WWC1: variants seen among roughly 807,000 people sequenced by gnomAD.
WWC1 encodes protein KIBRA.
In WWC1, 55 loss-of-function variants were observed where a neutral mutation model predicts 138.4. The ratio of observed to expected loss-of-function variants is 0.40; its 90% CI spans 0.32 to 0.50. The LOEUF is 0.50. Ranked by LOEUF, WWC1 falls within the 20% of genes least tolerant of loss-of-function variation. The pLI is 0.72. For synonymous variants in WWC1, 524 were observed against 564.9 expected (o/e 0.93, Z 1.03); for missense variants, 1,226 against 1,420.4 (o/e 0.86, Z 2.20).
intron 1 of WWC1, among the ~76,000 whole-genome samples, chr5:168,304,127 T>C (rs1273125040): frequency 6.6e-6 from 1 of 152,254 alleles, no homozygotes; most frequent in Non-Finnish European, 1.5e-5. Flanking sequence ...CAAGTTCCAC[T>C]GACCAGGCAG....
At chr5:168,380,981 C>T (rs924128388) in intron 2 of WWC1, among the ~76,000 whole-genome samples, 6 of 151,888 alleles carry the variant, frequency 4.0e-5, no homozygotes, top group South Asian at 2.1e-4. Flanking sequence ...TGCCTGGGAG[C>T]GTCCAGGGGA....
At chr5:168,371,103 C>T (rs1057215507) in intron 1 of WWC1, among the ~76,000 whole-genome samples, 2 of 152,192 alleles carry the variant, frequency 1.3e-5, no homozygotes, top group African/African-American at 4.8e-5. Context: ...GACCCTTTGC[C>T]TGCAAACCCT....
chr5:168,432,824 G>A (rs943155221), intron 15 of WWC1, among the ~76,000 whole-genome samples: 19 of 152,146 alleles, frequency 1.2e-4, no homozygotes, highest in Admixed American at 3.9e-4. Flanking sequence ...TGTGCAAAGG[G>A]GAAAAACAAG....
intron 15 of WWC1, among the ~76,000 whole-genome samples, chr5:168,432,662 T>C (rs896999158): frequency 2.6e-5 from 4 of 152,134 alleles, no homozygotes; most frequent in Non-Finnish European, 2.9e-5. Flanking sequence ...ACTGGGAGCT[T>C]GTTGTGTCCC....
At chr5:168,407,096 C>A (rs7735033) in intron 6 of WWC1, among the ~76,000 whole-genome samples, 19,498 of 152,064 alleles carry the variant, frequency 0.13, 1,330 homozygotes, top group African/African-American at 0.14. Flanking sequence ...CTGGCCCCTG[C>A]CTTATTTTTC....
chr5:168,326,883 A>G (rs1251003162), intron 1 of WWC1, among the ~76,000 whole-genome samples: 2 of 145,006 alleles, frequency 1.4e-5, no homozygotes, highest in Non-Finnish European at 3.1e-5. Context: ...TAGAACAAAA[A>G]TAAGCATGTG....
Position 168,471,251 on chromosome 5 carries a change from C to G in WWC1, c.*2234C>G, listed in dbSNP as rs1050875548. The G allele has an allele frequency of 6.5e-6, 1 of 152,908 alleles. No individual in the cohort carries two copies. The highest frequency in any genetic ancestry group is 1.5e-5 in the Non-Finnish European group (1 of 68,634). 9.5% of individuals were successfully genotyped at this position (152,908 alleles called of 1,614,324 possible). A position where few individuals can be genotyped will look rare whatever the true frequency, so the allele number is the denominator to read the frequency against. ...TCTTCCCCCTGTGGCTTCCAGGCCCCCCTGTATAGCTGCTATCCAGCCCGA... is the reference window on the plus strand; with the variant it reads ...TCTTCCCCCTGTGGCTTCCAGGCCCGCCTGTATAGCTGCTATCCAGCCCGA... On this transcript the variant is annotated 3_prime_UTR_variant, in exon 23 of 23. Coordinates refer to ENST00000265293, the MANE Select transcript of WWC1 (RefSeq NM_015238.3).
intron 1 of WWC1, among the ~76,000 whole-genome samples, chr5:168,295,062 T>G (rs913868344): frequency 2.0e-5 from 3 of 152,096 alleles, no homozygotes; most frequent in African/African-American, 7.2e-5. Context: ...TGGTCCAGCT[T>G]TGTATGTTTT....
chr5:168,416,911 A>C (rs1780701517), intron 9 of WWC1, among the ~76,000 whole-genome samples: 1 of 152,172 alleles, frequency 6.6e-6, no homozygotes, highest in South Asian at 2.1e-4. Flanking sequence ...CTTGTCACCC[A>C]GGCTGGAGTG....
intron 3 of WWC1, among the ~76,000 whole-genome samples, chr5:168,397,473 T>G (rs932956342): frequency 1.3e-5 from 2 of 152,208 alleles, no homozygotes; most frequent in African/African-American, 4.8e-5. Flanking sequence ...ACACTTTTTT[T>G]GTAAACTTGC....
intron 20 of WWC1, among the ~76,000 whole-genome samples, chr5:168,463,932 A>G (rs1345394223): frequency 6.6e-6 from 1 of 152,204 alleles, no homozygotes; most frequent in African/African-American, 2.4e-5. Context: ...AAGGCTTAGC[A>G]ACCTCTGTGT....
At chr5:168,400,736 C>G (rs781702850) in intron 5 of WWC1, among the ~76,000 whole-genome samples, 10 of 151,858 alleles carry the variant, frequency 6.6e-5, no homozygotes, top group African/African-American at 2.2e-4. Flanking sequence ...ATTGCTTGAG[C>G]CTGTGAGTTG....
At chr5:168,313,535 G>A (rs1245529329) in intron 1 of WWC1, among the ~76,000 whole-genome samples, 1 of 151,572 alleles carries the variant, frequency 6.6e-6, no homozygotes, top group Non-Finnish European at 1.5e-5. Flanking sequence ...AGGTTGCAGT[G>A]AGCCGAGATT....
At chr5:168,366,752 C>G (rs1408019590) in intron 1 of WWC1, among the ~76,000 whole-genome samples, 1 of 151,786 alleles carries the variant, frequency 6.6e-6, no homozygotes, top group African/African-American at 2.4e-5. Flanking sequence ...CATCTCCATC[C>G]TCACACCCAG....
At chr5:168,347,590 C>T (rs888432132) in intron 1 of WWC1, among the ~76,000 whole-genome samples, 2 of 152,190 alleles carry the variant, frequency 1.3e-5, no homozygotes, top group Admixed American at 6.5e-5. Flanking sequence ...TCTGTCAGCT[C>T]GTGGCCTCAA....
intron 1 of WWC1, among the ~76,000 whole-genome samples, chr5:168,350,637 G>A (rs977332200): frequency 6.6e-6 from 1 of 152,184 alleles, no homozygotes; most frequent in African/African-American, 2.4e-5. Context: ...GCCAAGGGCA[G>A]GACAGGAGGA....
intron 9 of WWC1, among the ~76,000 whole-genome samples, chr5:168,419,360 G>A (rs1202947152): frequency 2.9e-5 from 1 of 34,008 alleles, no homozygotes; most frequent in Non-Finnish European, 4.5e-5. Flanking sequence ...ACTGTGCCTG[G>A]CTTCATCTGG....
chr5:168,454,803 G>A (rs572751430), intron 18 of WWC1, among the ~76,000 whole-genome samples: 16 of 152,326 alleles, frequency 1.1e-4, no homozygotes, highest in Admixed American at 2.6e-4. Flanking sequence ...TTATATAAAG[G>A]TACTATTTAG....
chr5:168,314,287 G>A (rs1191143944), intron 1 of WWC1, among the ~76,000 whole-genome samples: 6 of 152,178 alleles, frequency 3.9e-5, no homozygotes, highest in African/African-American at 1.4e-4. Context: ...ATGTGAGGGG[G>A]CCAGGCATGG....
Sources: gnomAD v4.1 joint callset for allele counts (sites outside exome capture counted in the v4.1 genomes callset) on GRCh38, gnomAD v4.1.1 for gene constraint, MANE v1.5 for transcripts, NCBI Gene and HGNC (gene_info 2026-07-23, HGNC 2026-07-21) for gene names.